The following TRPC7 variants were observed in gnomAD, a reference collection of about 807,000 sequenced individuals.
TRPC7 encodes transient receptor potential cation channel subfamily C member 7.
Under a neutral mutation model 90.1 loss-of-function variants are expected in TRPC7, and 42 were observed. The ratio of observed to expected loss-of-function variants is 0.47; its 90% CI spans 0.36 to 0.60. TRPC7 has a LOEUF of 0.60. Ranked by LOEUF, TRPC7 falls within the 20% of genes least tolerant of loss-of-function variation. The pLI, the probability that TRPC7 is intolerant of heterozygous loss-of-function variation, is 0.00. For missense variants in TRPC7, 955 were observed against 1,112.3 expected (o/e 0.86, Z 2.01); for synonymous variants, 451 against 436.3 (o/e 1.03, Z -0.42).
chr5:136,238,209 A>G (rs964840666), intron 7 of TRPC7, among the ~76,000 whole-genome samples: 3 of 152,274 alleles, frequency 2.0e-5, no homozygotes, highest in South Asian at 4.1e-4. Flanking sequence ...TCTTCTGTAC[A>G]GTGTCTTACT....
At chr5:136,283,031 G>A (rs180767) in intron 3 of TRPC7, among the ~76,000 whole-genome samples, 101,895 of 152,100 alleles carry the variant, frequency 0.67, 35,103 homozygotes, top group African/African-American at 0.85. Flanking sequence ...CACTCAGTGT[G>A]CCAAGTGCAG....
At chr5:136,340,548 A>G (rs980534156) in intron 2 of TRPC7, among the ~76,000 whole-genome samples, 6 of 152,206 alleles carry the variant, frequency 3.9e-5, no homozygotes, top group Admixed American at 6.5e-5. Context: ...ACATCACATT[A>G]TATACCATAA....
chr5:136,249,021 T>C (rs1489284170), intron 6 of TRPC7, among the ~76,000 whole-genome samples: 2 of 152,156 alleles, frequency 1.3e-5, no homozygotes, highest in African/African-American at 4.8e-5. Flanking sequence ...CTGAGTGAAA[T>C]ATTAATTGAG....
chr5:136,323,573 C>A (rs1249135959), intron 2 of TRPC7, among the ~76,000 whole-genome samples: 2 of 152,090 alleles, frequency 1.3e-5, no homozygotes, highest in African/African-American at 4.8e-5. Flanking sequence ...TTTGTTCCAG[C>A]CCCATTTGTT....
At position 136,213,358 on chromosome 5, in the gene TRPC7, C is replaced by T. The variant is rs1755154375; in HGVS notation, c.*77G>A. On this transcript the variant is annotated 3_prime_UTR_variant, in exon 12 of 12. Transcript: ENST00000513104. The stretch of plus-strand genomic sequence containing the variant: ...TAGAGGAGTGGGCTGGGGACCCCTC[C>T]CCACCAAGGATGGGGGCGAGGGCAT... 4 of 1,501,996 alleles carry T rather than the reference C, an allele frequency of 2.7e-6. No individual in the cohort carries two copies. The highest frequency in any genetic ancestry group is 2.3e-5 in the East Asian group (1 of 43,138). 93.0% of individuals were successfully genotyped at this position (1,501,996 alleles called of 1,614,324 possible). A position where few individuals can be genotyped will look rare whatever the true frequency, so the allele number is the denominator to read the frequency against.
Position 136,342,112 on chromosome 5 carries a change from A to G in TRPC7, c.780+14496T>C, listed in dbSNP as rs555720257. Among the ~76,000 whole-genome samples, 14 of 152,262 alleles carry G rather than the reference A, an allele frequency of 9.2e-5. No individual in the cohort carries two copies. In the South Asian group the frequency reaches 1.5e-3, roughly 16 times the overall value. On this transcript the variant is annotated intron_variant, in intron 2 of 11. Transcript: ENST00000513104. Reference sequence around the variant, plus strand: ...CTCTACCACTTCCTTTCTAACCCCTAATGTGTAATTTTCACAGGCCTTTTA... The same window carrying G: ...CTCTACCACTTCCTTTCTAACCCCTGATGTGTAATTTTCACAGGCCTTTTA...
intron 3 of TRPC7, among the ~76,000 whole-genome samples, chr5:136,285,741 G>C (rs1274616134): frequency 6.6e-6 from 1 of 152,214 alleles, no homozygotes; most frequent in Non-Finnish European, 1.5e-5. Flanking sequence ...GGCTGGACAA[G>C]AGGCCAGATG....
At chr5:136,258,688 CAGCTAAAA>C (rs1437365947) in intron 5 of TRPC7, among the ~76,000 whole-genome samples, 1 of 152,228 alleles carries the variant, frequency 6.6e-6, no homozygotes, top group East Asian at 1.9e-4. Context: ...TGGAGCTTGA[CAGCTAAAA>C]GGCTAAAAGG....
chr5:136,278,251 C>T (rs1420514933), intron 3 of TRPC7, among the ~76,000 whole-genome samples: 1 of 152,238 alleles, frequency 6.6e-6, no homozygotes, highest in African/African-American at 2.4e-5. Flanking sequence ...GGAGAGGAAA[C>T]TCCTCCTGGA....
intron 3 of TRPC7, among the ~76,000 whole-genome samples, chr5:136,289,399 G>C (rs186138824): frequency 2.6e-3 from 398 of 152,340 alleles, no homozygotes; most frequent in Non-Finnish European, 3.9e-3. Context: ...CCTAGTCAAA[G>C]AAAGGGGTGA....
Position 136,331,791 on chromosome 5 carries a change from G to T in TRPC7, c.781-16012C>A, listed in dbSNP as rs182385093. On this transcript the variant is annotated intron_variant, in intron 2 of 11. Transcript: ENST00000513104. The stretch of plus-strand genomic sequence containing the variant: ...CAAGGGGGAGATAACACACAAGTCA[G>T]TCATTTCAGTATTCCCTAGTGAGAG... 3.9e-5 allele frequency among the ~76,000 whole-genome samples: 6 copies of T among 152,254 alleles called. No individual in the cohort carries two copies. The East Asian group carries it at 1.2e-3, about 29-fold the overall frequency.
intron 7 of TRPC7, among the ~76,000 whole-genome samples, chr5:136,245,458 C>T (rs1223877701): frequency 6.6e-6 from 1 of 152,122 alleles, no homozygotes; most frequent in Non-Finnish European, 1.5e-5. Context: ...AAGTATCTTA[C>T]CTTAATGGGT....
intron 1 of TRPC7, among the ~76,000 whole-genome samples, chr5:136,358,134 G>C (rs893757157): frequency 6.6e-6 from 1 of 152,188 alleles, no homozygotes; most frequent in African/African-American, 2.4e-5. Flanking sequence ...GGCAAGATGT[G>C]GCAGGGAGCA....
intron 10 of TRPC7, among the ~76,000 whole-genome samples, chr5:136,220,216 C>T (rs193108353): frequency 1.4e-4 from 21 of 152,224 alleles, no homozygotes; most frequent in African/African-American, 3.1e-4. Flanking sequence ...AGAATAACAG[C>T]GATTTTCAGA....
chr5:136,364,763 A>T (rs1760670569), intron 1 of TRPC7, among the ~76,000 whole-genome samples: 1 of 152,226 alleles, frequency 6.6e-6, no homozygotes, highest in Non-Finnish European at 1.5e-5. Context: ...AAGGAGATAC[A>T]TAGCTCAGAC....
intron 5 of TRPC7, among the ~76,000 whole-genome samples, chr5:136,258,922 A>AC (rs1756769230): frequency 6.6e-6 from 1 of 152,176 alleles, no homozygotes; most frequent in Non-Finnish European, 1.5e-5. Context: ...GTGGCTGTGA[A>AC]CCCACAAGTC....
At chr5:136,227,371 C>G (rs564728246) in intron 8 of TRPC7, among the ~76,000 whole-genome samples, 3 of 152,170 alleles carry the variant, frequency 2.0e-5, no homozygotes, top group Non-Finnish European at 4.4e-5. Flanking sequence ...AACTGCTTCC[C>G]TCACATAGCC....
At chr5:136,255,068 T>C (rs1165018772) in intron 5 of TRPC7, among the ~76,000 whole-genome samples, 1 of 152,368 alleles carries the variant, frequency 6.6e-6, no homozygotes, top group East Asian at 1.9e-4. Flanking sequence ...GAATTGTTTC[T>C]TATGGATGAG....
At position 136,365,340 on chromosome 5, in the gene TRPC7, T is replaced by C. The variant is rs537641578; in HGVS notation, c.-86A>G. 9 of 1,351,980 alleles carry C rather than the reference T, an allele frequency of 6.7e-6. No individual in the cohort carries two copies. The East Asian group carries it at 1.7e-4, about 26-fold the overall frequency. 83.7% of individuals were successfully genotyped at this position (1,351,980 alleles called of 1,614,324 possible). ...CCAGAAGCTGGCTCCCCATGGGTGGTAGCCAAGGATGTACCGCTCTCCGTG... is the reference window on the plus strand; with the variant it reads ...CCAGAAGCTGGCTCCCCATGGGTGGCAGCCAAGGATGTACCGCTCTCCGTG... On this transcript the variant is annotated 5_prime_UTR_variant, in exon 1 of 12. Coordinates refer to ENST00000513104, the MANE Select transcript of TRPC7 (RefSeq NM_020389.3).
Sources: allele counts gnomAD v4.1 joint callset (sites outside exome capture counted in the v4.1 genomes callset), GRCh38; gene constraint gnomAD v4.1.1; transcripts MANE v1.5; gene names NCBI Gene and HGNC (gene_info 2026-07-23, HGNC 2026-07-21).